CLCC1: variants seen among roughly 807,000 people sequenced by gnomAD.
The protein encoded by CLCC1 is chloride channel CLIC like 1, also known as chloride channel CLIC-like protein 1.
Under a neutral mutation model 63.3 loss-of-function variants are expected in CLCC1, and 39 were observed. That is an observed-to-expected ratio of 0.62 (90% CI 0.48 to 0.81). The LOEUF is 0.81. CLCC1 is among the 30% of genes least tolerant of loss of function. The probability of loss-of-function intolerance (pLI) is 0.00; values close to 1 mark genes in which losing one functional copy is unlikely to be tolerated. For synonymous variants in CLCC1, 217 were observed against 239.8 expected (o/e 0.90, Z 0.88); for missense variants, 549 against 669.4 (o/e 0.82, Z 1.98).
chr1:108,963,229 C>T (rs1199628324), intron 1 of CLCC1, 132 bp downstream of exon 1: 1 of 585,660 alleles, frequency 1.7e-6, no homozygotes, highest in Non-Finnish European at 3.1e-6. Context: ...ACGCAGCTAG[C>T]ACGGTCCCCG....
In CLCC1 at chr1:108,954,047, C is replaced by G. The variant is rs979111179; in HGVS notation, c.-11-3599G>C. Reference sequence around the variant, plus strand: ...AAAAAAACACATCCGACTGGAGAAACTAGAAAGTGGAAAGACTGCACAGGA... The same window carrying G: ...AAAAAAACACATCCGACTGGAGAAAGTAGAAAGTGGAAAGACTGCACAGGA... On this transcript the variant is annotated intron_variant, in intron 2 of 12. Transcript: ENST00000369969. 2.7e-4 allele frequency among the ~76,000 whole-genome samples: 39 copies of G among 145,112 alleles called. 1 individual carries two copies. Among genetic ancestry groups the G allele is most frequent in the South Asian group, 4.3e-4 (2 of 4,650 alleles).
At chr1:108,943,286 C>G (rs900787997) in intron 7 of CLCC1, among the ~76,000 whole-genome samples, 189 bp downstream of exon 7, 1 of 152,056 alleles carries the variant, frequency 6.6e-6, no homozygotes, top group Non-Finnish European at 1.5e-5. Flanking sequence ...ACTTTTTTAC[C>G]CACTAACTGG....
Position 108,943,481 on chromosome 1 carries a change from T to C in CLCC1, c.696A>G (p.Leu232=). Residue 232 remains leucine (L), a synonymous_variant, in exon 7 of 13, where the codon TTA becomes TTG. Transcript: ENST00000369969. ...CCCTCCATCCATATAATACCTTATA[T>C]AAATACATCCAATTCCATCCCAAAC... ...LFSLGWNWMY[L]YKLAFAQHQA... 6.2e-7 allele frequency: 1 copy of C among 1,613,648 alleles called. No individual in the cohort carries two copies. The highest frequency in any genetic ancestry group is 8.5e-7 in the Non-Finnish European group (1 of 1,179,738).
chr1:108,930,123 G>A lies in CLCC1; in HGVS notation c.*2424C>T, dbSNP rs1651671601. 3.3e-6 allele frequency: 2 copies of A among 614,556 alleles called. No homozygotes were observed. The highest frequency in any genetic ancestry group is 5.6e-6 in the Non-Finnish European group (2 of 356,098). The allele number at this position is 614,556 out of a possible 1,614,324, so 38.1% of individuals were successfully genotyped here. ...CTTCTCTGGACATGCGCGTTTGAGGGTGGAGGGGTCCTGTAAGGTGCTTCA... is the reference window on the plus strand; with the variant it reads ...CTTCTCTGGACATGCGCGTTTGAGGATGGAGGGGTCCTGTAAGGTGCTTCA... On this transcript the variant is annotated 3_prime_UTR_variant, in exon 13 of 13. Coordinates refer to ENST00000369969, the MANE Select transcript of CLCC1 (RefSeq NM_001377458.1).
chr1:108,937,468 A>G, intron 10 of CLCC1, 50 bp from the exon 11 acceptor site: 1 of 1,415,084 alleles, frequency 7.1e-7, no homozygotes, highest in Non-Finnish European at 9.5e-7. Context: ...GCTAACTTAC[A>G]AAAGTTATGA....
chr1:108,932,508 TGA>T lies in CLCC1; in HGVS notation c.*46-9_*46-8del, dbSNP rs1652169250. ...TTCATCCCCAAATGGATATCTGTAATGAAAGAATACAAAGGTGAAATTTTATT... is the reference window on the plus strand; with the variant it reads ...TTCATCCCCAAATGGATATCTGTAATAAGAATACAAAGGTGAAATTTTATT... On this transcript the variant is annotated splice_region_variant and splice_polypyrimidine_tract_variant and intron_variant, in intron 12 of 12. Transcript: ENST00000369969. The T allele has an allele frequency of 6.6e-6, 1 of 152,204 alleles. No individual in the cohort carries two copies. The highest frequency in any genetic ancestry group is 2.1e-4 in the South Asian group (1 of 4,834). 9.4% of individuals were successfully genotyped at this position (152,204 alleles called of 1,614,324 possible).
At chr1:108,941,317 TC>T in intron 8 of CLCC1, 87 bp downstream of exon 8, 1 of 1,184,204 alleles carries the variant, frequency 8.4e-7, no homozygotes, top group South Asian at 1.4e-5. Context: ...ATGGAAAGCC[TC>T]CTGTTATTTT....
chr1:108,930,028 T>C lies in CLCC1; in HGVS notation c.*2519A>G. 1.8e-6 allele frequency: 2 copies of C among 1,104,986 alleles called. No homozygotes were observed. The highest frequency in any genetic ancestry group is 4.1e-5 in the Admixed American group (2 of 49,102). 68.4% of individuals were successfully genotyped at this position (1,104,986 alleles called of 1,614,324 possible). A position where few individuals can be genotyped will look rare whatever the true frequency, so the allele number is the denominator to read the frequency against. On this transcript the variant is annotated 3_prime_UTR_variant, in exon 13 of 13. Transcript: ENST00000369969. Reference sequence around the variant, plus strand: ...CTTAAAAGGAGAATTTATAGCACTGTAATACAGCTTAAAATATTTTTAGAA... The same window carrying C: ...CTTAAAAGGAGAATTTATAGCACTGCAATACAGCTTAAAATATTTTTAGAA...
chr1:108,936,085 GTTTT>G (rs530980387), intron 11 of CLCC1, among the ~76,000 whole-genome samples: 7,495 of 87,352 alleles, frequency 0.086, 61 homozygotes, highest in Middle Eastern at 0.15. Flanking sequence ...ATCTTAAGTT[GTTTT>G]TTTTTTTTTT....
intron 9 of CLCC1, 128 bp from the exon 10 acceptor site, chr1:108,939,910 T>C (rs1653613773): frequency 1.5e-6 from 2 of 1,295,622 alleles, no homozygotes; most frequent in African/African-American, 3.0e-5. Flanking sequence ...CCATTTTTAA[T>C]GTGAAAATCA....
rs990087184 is a variant in CLCC1, at chr1:108,957,542, T to C, written c.-12+4767A>G. Among the ~76,000 whole-genome samples, 8 of 151,510 alleles carry C rather than the reference T, an allele frequency of 5.3e-5. 2 individuals carry two copies. The highest frequency in any genetic ancestry group is 2.0e-4 in the African/African-American group (8 of 40,764). ...TTCATTTATGGCATATACTGAGATATAGGGGTTTATTTCTTATAACATCTC... is the reference window on the plus strand; with the variant it reads ...TTCATTTATGGCATATACTGAGATACAGGGGTTTATTTCTTATAACATCTC... On this transcript the variant is annotated intron_variant, in intron 2 of 12. Coordinates refer to ENST00000369969, the MANE Select transcript of CLCC1 (RefSeq NM_001377458.1).
chr1:108,938,837 G>T (rs914232678), intron 10 of CLCC1, among the ~76,000 whole-genome samples: 7 of 151,986 alleles, frequency 4.6e-5, no homozygotes, highest in African/African-American at 1.7e-4. Flanking sequence ...ATTTACCAAG[G>T]TTAACACATT....
chr1:108,942,803 C>T (rs1025824324), intron 7 of CLCC1, among the ~76,000 whole-genome samples: 2 of 152,032 alleles, frequency 1.3e-5, no homozygotes, highest in African/African-American at 4.8e-5. Context: ...AAAAAATAAC[C>T]TAATTTTTAA....
At chr1:108,945,794 C>T (rs187366316) in intron 5 of CLCC1, among the ~76,000 whole-genome samples, 90 of 152,320 alleles carry the variant, frequency 5.9e-4, no homozygotes, top group Admixed American at 2.4e-3. Context: ...GTGAGTTCAG[C>T]TTAGCAAAAT....
Position 108,937,249 on chromosome 1 carries a change from A to G in CLCC1, c.1211T>C (p.Met404Thr). The G allele has an allele frequency of 6.2e-7, 1 of 1,614,114 alleles. No individual in the cohort carries two copies. Among genetic ancestry groups the G allele is most frequent in the South Asian group, 1.1e-5 (1 of 91,088 alleles). ...ATAAGGGCCTTGCTCAGTGGGGCCC[A>G]TTTGGCCCCTATAATGGAAATCGGC... ...GDADFHYRGQ[M>T]GPTEQGPYAK... The change falls in exon 11 of 13, where the codon ATG (methionine) becomes ACG (threonine). Residue 404 changes from methionine to threonine, a missense_variant. Coordinates refer to ENST00000369969, the MANE Select transcript of CLCC1 (RefSeq NM_001377458.1).
intron 8 of CLCC1, 105 bp from the exon 9 acceptor site, chr1:108,940,247 T>G: frequency 1.7e-6 from 1 of 597,388 alleles, no homozygotes; most frequent in Non-Finnish European, 2.8e-6. Context: ...CACCCACCAA[T>G]GAGTTTTAAA....
chr1:108,961,703 T>C (rs767436187), intron 2 of CLCC1, among the ~76,000 whole-genome samples: 14 of 151,912 alleles, frequency 9.2e-5, no homozygotes, highest in Non-Finnish European at 1.9e-4. Flanking sequence ...CTACTAAAAA[T>C]ACAAAAGTAG....
chr1:108,935,941 G>A (rs1338211541), intron 11 of CLCC1, among the ~76,000 whole-genome samples: 2 of 152,144 alleles, frequency 1.3e-5, no homozygotes, highest in African/African-American at 2.4e-5. Flanking sequence ...GGTAGTGGAT[G>A]TGGGGGAAGG....
At position 108,943,605 on chromosome 1, in the gene CLCC1, CAAAG is replaced by C. The variant is rs1654132474; in HGVS notation, c.568_571del (p.Leu190ValfsTer8). The C allele has an allele frequency of 1.3e-6, 2 of 1,579,218 alleles. No individual in the cohort carries two copies. Among genetic ancestry groups the C allele is most frequent in the Non-Finnish European group, 8.6e-7 (1 of 1,167,458 alleles). On this transcript the variant is annotated frameshift_variant, in exon 7 of 13. Coordinates refer to ENST00000369969, the MANE Select transcript of CLCC1 (RefSeq NM_001377458.1). LOFTEE classifies it high-confidence loss of function. ...CACTAAAACCACGATGCAGAGCAGA[CAAAG>C]AAGTACCTTAAAACAGAGAGAAGCA...
Sources: allele counts gnomAD v4.1 joint callset (sites outside exome capture counted in the v4.1 genomes callset), GRCh38; gene constraint gnomAD v4.1.1; transcripts MANE v1.5; gene names NCBI Gene and HGNC (gene_info 2026-07-23, HGNC 2026-07-21).